HERC1: variants seen among roughly 807,000 people sequenced by gnomAD.
HERC1 encodes the protein probable E3 ubiquitin-protein ligase HERC1.
HERC1 carries 160 observed loss-of-function variants against 554.3 expected under a neutral mutation model. The observed-to-expected ratio is 0.29, with a 90% confidence interval of 0.25 to 0.33. The LOEUF (loss-of-function observed/expected upper bound fraction) is 0.33. Ranked by LOEUF, HERC1 falls within the 10% of genes least tolerant of loss-of-function variation. The pLI is 1.00. For synonymous variants in HERC1, 2,175 were observed against 2,131.7 expected (o/e 1.02, Z -0.56); for missense variants, 4,919 against 5,918.5 (o/e 0.83, Z 5.54).
intron 25 of HERC1, among the ~76,000 whole-genome samples, chr15:63,705,831 A>C (rs1229566352): frequency 6.6e-6 from 1 of 152,006 alleles, no homozygotes; most frequent in Non-Finnish European, 1.5e-5. Flanking sequence ...GGAGTTCAAG[A>C]CCAGCCTGGG....
At chr15:63,710,590 A>G (rs975016707) in intron 24 of HERC1, among the ~76,000 whole-genome samples, 2 of 152,216 alleles carry the variant, frequency 1.3e-5, no homozygotes, top group African/African-American at 4.8e-5. Context: ...TAACTGATCA[A>G]TGAATAACTA....
chr15:63,615,529 G>C (rs2067778257), intron 76 of HERC1, among the ~76,000 whole-genome samples: 1 of 152,230 alleles, frequency 6.6e-6, no homozygotes, highest in Admixed American at 6.5e-5. Context: ...AGAATCACTT[G>C]AACCCAGGAG....
intron 49 of HERC1, 62 bp from the exon 50 acceptor site, chr15:63,656,017 T>G: frequency 2.5e-6 from 4 of 1,594,698 alleles, no homozygotes; most frequent in Non-Finnish European, 3.4e-6. Flanking sequence ...CAAAAATATT[T>G]CATTTCAAAA....
At chr15:63,637,215 A>G (rs1189603907) in intron 64 of HERC1, 2 of 511,430 alleles carry the variant, frequency 3.9e-6, no homozygotes, top group East Asian at 9.7e-5. Flanking sequence ...TGCTATTAAC[A>G]TCTGCCTACT....
chr15:63,657,010 G>A (rs2070078488), intron 48 of HERC1, among the ~76,000 whole-genome samples: 2 of 151,258 alleles, frequency 1.3e-5, no homozygotes, highest in Non-Finnish European at 2.9e-5. Flanking sequence ...GGTCTTTAGG[G>A]GGCACATATT....
At chr15:63,667,594 T>A (rs1347682190) in intron 40 of HERC1, among the ~76,000 whole-genome samples, 1 of 152,052 alleles carries the variant, frequency 6.6e-6, no homozygotes, top group Non-Finnish European at 1.5e-5. Context: ...TGTGTAAAAG[T>A]GAAATGTATG....
chr15:63,828,701 T>C (rs577119991), intron 1 of HERC1, among the ~76,000 whole-genome samples: 2 of 152,226 alleles, frequency 1.3e-5, no homozygotes, highest in South Asian at 2.1e-4. Context: ...TAATGTTTCA[T>C]ATGCCAAAAA....
chr15:63,666,361 G>C lies in HERC1; in HGVS notation c.8318C>G (p.Ala2773Gly). 1.2e-6 allele frequency: 2 copies of C among 1,607,466 alleles called. No individual in the cohort carries two copies. Among genetic ancestry groups the C allele is most frequent in the Non-Finnish European group, 1.7e-6 (2 of 1,174,280 alleles). The change falls in exon 41 of 78, where the codon GCT becomes GGT. Residue 2773 changes from alanine (A) to glycine (G), a missense_variant. Coordinates refer to ENST00000443617, the MANE Select transcript of HERC1 (RefSeq NM_003922.4). ...TATATAAAAACTTATCCTACCTGTA[G>C]CTTCCATGGCTTTGGCAATCTGCCG... ...SLRQIAKAME[A>G]TGARGEADAQ... is the part of the protein sequence containing the mutation.
intron 25 of HERC1, among the ~76,000 whole-genome samples, chr15:63,700,708 C>CAAAAA (rs11314964): frequency 9.3e-5 from 6 of 64,568 alleles, no homozygotes; most frequent in African/African-American, 9.7e-5. Context: ...GACCCTGCCT[C>CAAAAA]AAAAAAAAAA....
At position 63,727,843 on chromosome 15, in the gene HERC1, G is replaced by C; in HGVS notation, c.3155-5C>G. 1 of 1,606,984 alleles carries C rather than the reference G, an allele frequency of 6.2e-7. No homozygotes were observed. The highest frequency in any genetic ancestry group is 1.1e-5 in the South Asian group (1 of 90,646). On this transcript the variant is annotated splice_region_variant and splice_polypyrimidine_tract_variant and intron_variant, in intron 16 of 77. Coordinates refer to ENST00000443617, the MANE Select transcript of HERC1 (RefSeq NM_003922.4). The surrounding 1 kb of genome is among the most constrained non-coding windows in gnomAD (Gnocchi z 4.3). ...CAGCTGAGACGTATATCACATCTAT[G>C]AAGGGCAAGAAATTAAACATGGGAC...
chr15:63,741,268 C>A (rs2074792672), intron 12 of HERC1, among the ~76,000 whole-genome samples: 1 of 151,850 alleles, frequency 6.6e-6, no homozygotes, highest in South Asian at 2.1e-4. Context: ...ACCTCGTGAT[C>A]CACCCGCCTC....
At chr15:63,698,250 T>G (rs771810607) in intron 26 of HERC1, among the ~76,000 whole-genome samples, 2 of 151,958 alleles carry the variant, frequency 1.3e-5, no homozygotes, top group Non-Finnish European at 2.9e-5. Flanking sequence ...ACTTTGTCTC[T>G]CCTAATAATA....
chr15:63,754,115 A>G (rs1306043014), intron 7 of HERC1, among the ~76,000 whole-genome samples: 1 of 152,054 alleles, frequency 6.6e-6, no homozygotes, highest in East Asian at 1.9e-4. Context: ...TTGAGGCTGC[A>G]GTGAGCCAGG....
rs779769973 is a variant in HERC1 at position 63,651,250 on chromosome 15, T to C, written c.10546+3A>G. The C allele has an allele frequency of 1.1e-5, 17 of 1,613,704 alleles. No homozygotes were observed. Among genetic ancestry groups the C allele is most frequent in the South Asian group, 8.8e-5 (8 of 91,078 alleles). On this transcript the variant is annotated splice_donor_region_variant and intron_variant, in intron 53 of 77. Coordinates refer to ENST00000443617, the MANE Select transcript of HERC1 (RefSeq NM_003922.4). ...AGTTTACTAGTGTTTACATGACTCT[T>C]ACCATTAACTTGCCAGATATTCACC...
chr15:63,616,517 C>T lies in HERC1; in HGVS notation c.13854G>A (p.Leu4618=). 3 of 1,614,002 alleles carry T rather than the reference C, an allele frequency of 1.9e-6. No individual in the cohort carries two copies. The highest frequency in any genetic ancestry group is 2.5e-6 in the Non-Finnish European group (3 of 1,179,888). The change falls in exon 75 of 78, where the codon CTG becomes CTA. Residue 4618 remains leucine, a synonymous_variant. Coordinates refer to ENST00000443617, the MANE Select transcript of HERC1 (RefSeq NM_003922.4). Reference sequence around the variant, plus strand: ...GCACGTAGAGCAGATCCACCTCCTCCAGGTCCTCTAGGGTGAGTGGGACAC... The same window carrying T: ...GCACGTAGAGCAGATCCACCTCCTCTAGGTCCTCTAGGGTGAGTGGGACAC... ...LCCVPLTLED[L]EEVDLLYVQT... is the part of the protein sequence containing the mutation.
chr15:63,617,171 C>T (rs890546262), intron 74 of HERC1, among the ~76,000 whole-genome samples: 1 of 152,204 alleles, frequency 6.6e-6, no homozygotes, highest in African/African-American at 2.4e-5. Flanking sequence ...TCCCCTCACC[C>T]CACAACAGGC....
chr15:63,726,564 C>A (rs147100322), intron 17 of HERC1, among the ~76,000 whole-genome samples: 1 of 152,114 alleles, frequency 6.6e-6, no homozygotes, highest in African/African-American at 2.4e-5. Flanking sequence ...TTACAAATAA[C>A]TTTATGCCAA....
Position 63,649,713 on chromosome 15 carries a change from G to C in HERC1, c.10747+12C>G, listed in dbSNP as rs906922032. 1.9e-6 allele frequency: 3 copies of C among 1,608,194 alleles called. No homozygotes were observed. The highest frequency in any genetic ancestry group is 8.5e-7 in the Non-Finnish European group (1 of 1,175,582). On this transcript the variant is annotated intron_variant, in intron 54 of 77. Transcript: ENST00000443617. Reference sequence around the variant, plus strand: ...GAGACTCCGTCAGCTAGACGTAAGTGCAGTCATTTACCATCCTTTCGATAG... The same window carrying C: ...GAGACTCCGTCAGCTAGACGTAAGTCCAGTCATTTACCATCCTTTCGATAG...
Position 63,734,826 on chromosome 15 carries a change from C to A in HERC1, c.2544G>T (p.Val848=). The change falls in exon 13 of 78, where the codon GTG becomes GTT. Residue 848 remains valine (V), a synonymous_variant. Transcript: ENST00000443617. The surrounding 1 kb of genome is among the most constrained non-coding windows in gnomAD (Gnocchi z 4.6). ...IQEVVIETLS[V]GATMLLPPLR... is the part of the protein sequence containing the mutation. ...ATGGAGGTAACAGCATGGTTGCTCC[C>A]ACTGATAAAGTTTCAATTACCACCT... 6.2e-7 allele frequency: 1 copy of A among 1,610,446 alleles called. No homozygotes were observed. The highest frequency in any genetic ancestry group is 8.5e-7 in the Non-Finnish European group (1 of 1,178,066).
Sources: allele counts gnomAD v4.1 joint callset (sites outside exome capture counted in the v4.1 genomes callset), GRCh38; gene constraint gnomAD v4.1.1; non-coding constraint Gnocchi (gnomAD v3.1); transcripts MANE v1.5; gene names NCBI Gene and HGNC (gene_info 2026-07-23, HGNC 2026-07-21).